The following PCDHA11 variants were observed in gnomAD, a reference collection of about 807,000 sequenced individuals.
PCDHA11 encodes the protein protocadherin alpha-11.
A neutral mutation model predicts 70.3 loss-of-function variants in PCDHA11; 61 were observed. That is an observed-to-expected ratio of 0.87 (90% CI 0.71 to 1.07). The LOEUF (loss-of-function observed/expected upper bound fraction) is 1.07. Among genes scored for constraint, PCDHA11 ranks in the 50% least tolerant of loss-of-function variants. PCDHA11 has a pLI of 0.00. For missense variants in PCDHA11, 1,324 were observed against 1,237.5 expected (o/e 1.07, Z -1.05); for synonymous variants, 633 against 555.1 (o/e 1.14, Z -1.97).
rs1237134609 is a variant in PCDHA11 at position 141,011,353 on chromosome 5, A to T, written c.*1416A>T. 6.5e-6 allele frequency: 1 copy of T among 153,692 alleles called. No homozygotes were observed. The highest frequency in any genetic ancestry group is 1.5e-5 in the Non-Finnish European group (1 of 68,032). The allele number at this position is 153,692 out of a possible 1,614,324, so 9.5% of individuals were successfully genotyped here. On this transcript the variant is annotated 3_prime_UTR_variant, in exon 4 of 4. Coordinates refer to ENST00000398640, the MANE Select transcript of PCDHA11 (RefSeq NM_018902.5). ...ATGTTACCTGAAATCAATCTCCCAT[A>T]TGTATGCTGTATGCTATGCTAAGAC...
At chr5:140,984,905 C>G (rs1214020745) in intron 3 of PCDHA11, among the ~76,000 whole-genome samples, 1 of 152,004 alleles carries the variant, frequency 6.6e-6, no homozygotes, top group African/African-American at 2.4e-5. Context: ...AAAAAAAGAA[C>G]TGAGCATAGT....
At chr5:140,875,903 A>G in intron 1 of PCDHA11, 1 of 1,614,184 alleles carries the variant, frequency 6.2e-7, no homozygotes, top group Non-Finnish European at 8.5e-7. Context: ...CCTGTTTCTG[A>G]ATCTGCGCCT....
At chr5:140,962,414 C>T (rs2095681226) in intron 1 of PCDHA11, among the ~76,000 whole-genome samples, 1 of 152,166 alleles carries the variant, frequency 6.6e-6, no homozygotes, top group African/African-American at 2.4e-5. Context: ...CCTGTCTCTC[C>T]CTTTTTATTG....
chr5:140,994,892 G>A (rs1554254386), intron 3 of PCDHA11, among the ~76,000 whole-genome samples: 2 of 152,192 alleles, frequency 1.3e-5, no homozygotes, highest in Non-Finnish European at 2.9e-5. Flanking sequence ...TAGGAAATGA[G>A]ATCAGAAATG....
chr5:140,979,522 A>G (rs576025092), intron 2 of PCDHA11, among the ~76,000 whole-genome samples: 1 of 152,098 alleles, frequency 6.6e-6, no homozygotes, highest in South Asian at 2.1e-4. Context: ...ATCTGTTGCT[A>G]TCTTATTGTC....
At position 140,877,517 on chromosome 5, in the gene PCDHA11, C is replaced by T. The variant is rs782271327; in HGVS notation, c.2391+6023C>T. ...CAGGCCCCAAAGACGTCGTCGCGGG[C>T]CTCAGTGGGCGCTGTGGATCCCGAA... On this transcript the variant is annotated intron_variant, in intron 1 of 3. Coordinates refer to ENST00000398640, the MANE Select transcript of PCDHA11 (RefSeq NM_018902.5). 5.6e-6 allele frequency: 9 copies of T among 1,613,766 alleles called. No homozygotes were observed. Among genetic ancestry groups the T allele is most frequent in the Non-Finnish European group, 7.6e-6 (9 of 1,179,862 alleles).
At chr5:140,941,247 CT>C (rs1398354432) in intron 1 of PCDHA11, among the ~76,000 whole-genome samples, 1 of 128,506 alleles carries the variant, frequency 7.8e-6, no homozygotes, top group African/African-American at 2.9e-5. Context: ...TTCTTTCTTT[CT>C]TTCTTTCTCT....
chr5:140,988,560 T>C (rs1184536302), intron 3 of PCDHA11, among the ~76,000 whole-genome samples: 3 of 152,138 alleles, frequency 2.0e-5, no homozygotes, highest in Admixed American at 2.0e-4. Context: ...CATCTTCTTC[T>C]TGGGAAAACA....
chr5:140,997,606 A>G (rs1554255929), intron 3 of PCDHA11, among the ~76,000 whole-genome samples: 1 of 152,090 alleles, frequency 6.6e-6, no homozygotes, highest in Non-Finnish European at 1.5e-5. Context: ...TATGGGGCGC[A>G]TGACTATATA....
chr5:140,980,890 C>G (rs1554242450), intron 2 of PCDHA11, among the ~76,000 whole-genome samples: 1 of 152,104 alleles, frequency 6.6e-6, no homozygotes, highest in African/African-American at 2.4e-5. Flanking sequence ...TCTTTCCAGT[C>G]TTGGACATCA....
Position 140,870,168 on chromosome 5 carries a change from C to A in PCDHA11, c.1065C>A (p.Ser355=). Residue 355 remains serine, a synonymous_variant, in exon 1 of 4, where the codon TCC becomes TCA. Coordinates refer to ENST00000398640, the MANE Select transcript of PCDHA11 (RefSeq NM_018902.5). ...CTGAAGTCGCCGTGACTTCCTTGTCCCTCCCAGTACGAGAGGACGCTCAGC... is the reference window on the plus strand; with the variant it reads ...CTGAAGTCGCCGTGACTTCCTTGTCACTCCCAGTACGAGAGGACGCTCAGC... ...NSPEVAVTSL[S]LPVREDAQPS... is the part of the protein sequence containing the mutation. The A allele has an allele frequency of 6.2e-7, 1 of 1,614,108 alleles. No homozygotes were observed. Among genetic ancestry groups the A allele is most frequent in the Admixed American group, 1.7e-5 (1 of 60,024 alleles).
intron 3 of PCDHA11, among the ~76,000 whole-genome samples, chr5:140,999,225 G>C (rs543011633): frequency 1.3e-5 from 2 of 152,222 alleles, no homozygotes; most frequent in Non-Finnish European, 2.9e-5. Context: ...CTACATTTGA[G>C]AATAGGTGGT....
intron 3 of PCDHA11, among the ~76,000 whole-genome samples, chr5:141,001,535 G>A (rs2098024806): frequency 6.6e-6 from 1 of 152,182 alleles, no homozygotes; most frequent in South Asian, 2.1e-4. Flanking sequence ...TCTGATCCTG[G>A]ACAGGATTTG....
At position 140,870,413 on chromosome 5, in the gene PCDHA11, C is replaced by G. The variant is rs200037363; in HGVS notation, c.1310C>G (p.Thr437Arg). ...RDGGSPSLWA[T>R]ARVSVEVADV... ...GGGGGTTCGCCTTCTCTGTGGGCCA[C>G]GGCCAGGGTATCCGTGGAGGTGGCC... The change falls in exon 1 of 4, where the codon ACG becomes AGG. Residue 437 changes from threonine to arginine, a missense_variant. Physicochemically the swap from Thr to Arg is moderately conservative, Grantham distance 71. Transcript: ENST00000398640. The G allele has an allele frequency of 7.6e-5, 123 of 1,614,124 alleles. No individual in the cohort carries two copies. In the African/African-American group the frequency reaches 1.6e-3, roughly 21 times the overall value.
intron 1 of PCDHA11, among the ~76,000 whole-genome samples, chr5:140,950,648 T>C (rs2153690319): frequency 6.6e-6 from 1 of 152,222 alleles, no homozygotes; most frequent in East Asian, 1.9e-4. Flanking sequence ...CTGTTTATGG[T>C]TGGCTGAGTT....
chr5:140,968,176 G>A, intron 1 of PCDHA11: 1 of 1,614,062 alleles, frequency 6.2e-7, no homozygotes, highest in Non-Finnish European at 8.5e-7. Flanking sequence ...CAAGCTTCCT[G>A]GAGGACTCCT....
rs781978731 is a variant in PCDHA11, at chr5:140,869,210, C to A, written c.107C>A (p.Ser36Ter). 1.7e-5 allele frequency: 28 copies of A among 1,613,814 alleles called. No individual in the cohort carries two copies. Among genetic ancestry groups the A allele is most frequent in the African/African-American group, 1.5e-4 (11 of 74,940 alleles). Residue 36 changes from serine to a stop codon, truncating the protein, a stop_gained, in exon 1 of 4, where the codon TCG (serine) becomes TAG (stop). Coordinates refer to ENST00000398640, the MANE Select transcript of PCDHA11 (RefSeq NM_018902.5). LOFTEE classifies it high-confidence loss of function. ...AGCGGCCAGCTCCACTACTCCGTCT[C>A]GGAGGAGGCCAAACACGGCACCTTC... ...VGSGQLHYSV[S>*]EEAKHGTFVG...
intron 1 of PCDHA11, chr5:140,884,124 G>T: frequency 6.2e-7 from 1 of 1,613,344 alleles, no homozygotes; most frequent in South Asian, 1.1e-5. Flanking sequence ...GTCGGCGCGC[G>T]CATCCCGTTC....
At chr5:140,880,731 GAA>G (rs2058452770) in intron 1 of PCDHA11, among the ~76,000 whole-genome samples, 1 of 152,216 alleles carries the variant, frequency 6.6e-6, no homozygotes, top group Non-Finnish European at 1.5e-5. Flanking sequence ...GAAGCATAGA[GAA>G]AATGGATTGT....
Sources: gnomAD v4.1 joint callset for allele counts (sites outside exome capture counted in the v4.1 genomes callset) on GRCh38, gnomAD v4.1.1 for gene constraint, MANE v1.5 for transcripts, NCBI Gene and HGNC (gene_info 2026-07-23, HGNC 2026-07-21) for gene names.